SNTB2: variants seen among roughly 807,000 people sequenced by gnomAD.
SNTB2 encodes syntrophin beta 2.
SNTB2 carries 34 observed loss-of-function variants against 46.2 expected under a neutral mutation model. The observed-to-expected ratio is 0.74, with a 90% CI of 0.56 to 0.98. SNTB2 has a LOEUF of 0.98. Ranked by LOEUF, SNTB2 falls within the 50% of genes least tolerant of loss-of-function variation. The probability of loss-of-function intolerance (pLI) is 0.00; values close to 1 mark genes in which losing one functional copy is unlikely to be tolerated. For missense variants in SNTB2, 603 were observed against 731.4 expected (o/e 0.82, Z 2.02); for synonymous variants, 290 against 312.6 (o/e 0.93, Z 0.76).
In SNTB2 at chr16:69,300,989, AGC is replaced by A; in HGVS notation, c.*66_*67del. 3.9e-6 allele frequency: 4 copies of A among 1,035,212 alleles called. No individual in the cohort carries two copies. The highest frequency in any genetic ancestry group is 5.9e-6 in the Non-Finnish European group (4 of 680,576). 64.1% of individuals were successfully genotyped at this position (1,035,212 alleles called of 1,614,324 possible). A position where few individuals can be genotyped will look rare whatever the true frequency, so the allele number is the denominator to read the frequency against. ...AATATTTCCACCTCAAAAAAAAAAA[AGC>A]ACAAAAAGAAACTCTTTGCTCTCCT... On this transcript the variant is annotated 3_prime_UTR_variant, in exon 7 of 7. Coordinates refer to ENST00000336278, the MANE Select transcript of SNTB2 (RefSeq NM_006750.4).
At chr16:69,241,793 G>C (rs1964617701) in intron 1 of SNTB2, 1 of 151,828 alleles carries the variant, frequency 6.6e-6, no homozygotes, top group Non-Finnish European at 1.5e-5. Context: ...GGTGGGTATG[G>C]TGGTGTGCAC....
At chr16:69,249,741 C>G (rs1286242569) in intron 2 of SNTB2, among the ~76,000 whole-genome samples, 4 of 152,128 alleles carry the variant, frequency 2.6e-5, no homozygotes, top group African/African-American at 4.8e-5. Context: ...CTTAGAAGAT[C>G]CACGCTAGTT....
chr16:69,258,800 A>T (rs1964804421), intron 2 of SNTB2, among the ~76,000 whole-genome samples: 1 of 151,568 alleles, frequency 6.6e-6, no homozygotes, highest in Non-Finnish European at 1.5e-5. Context: ...TTTAGTAGAG[A>T]CAGGGTTTAG....
Position 69,253,282 on chromosome 16 carries a change from T to A in SNTB2, c.795-6768T>A, listed in dbSNP as rs181804537. On this transcript the variant is annotated intron_variant, in intron 2 of 6. Coordinates refer to ENST00000336278, the MANE Select transcript of SNTB2 (RefSeq NM_006750.4). ...CGGTCCTATTTTGGAGCTTCTTTGCTGTTTCTTTTAATTTAATTTTCTATT... is the reference window on the plus strand; with the variant it reads ...CGGTCCTATTTTGGAGCTTCTTTGCAGTTTCTTTTAATTTAATTTTCTATT... Among the ~76,000 whole-genome samples, 396 of 152,266 alleles carry A rather than the reference T, an allele frequency of 2.6e-3. 1 individual carries two copies. Among genetic ancestry groups the A allele is most frequent in the Non-Finnish European group, 4.3e-3 (290 of 68,034 alleles).
chr16:69,265,972 G>A (rs889596385), intron 3 of SNTB2, among the ~76,000 whole-genome samples: 2 of 152,064 alleles, frequency 1.3e-5, no homozygotes, highest in Non-Finnish European at 2.9e-5. Context: ...CTCAATGGTG[G>A]GATCCCCAAG....
At chr16:69,277,225 T>C (rs1964992106) in intron 4 of SNTB2, among the ~76,000 whole-genome samples, 1 of 152,196 alleles carries the variant, frequency 6.6e-6, no homozygotes, top group Non-Finnish European at 1.5e-5. Flanking sequence ...AATGATAAAA[T>C]TGTAGCTTTC....
chr16:69,297,070 C>T (rs1002906642), intron 5 of SNTB2, among the ~76,000 whole-genome samples: 6 of 151,618 alleles, frequency 4.0e-5, no homozygotes, highest in South Asian at 4.2e-4. Flanking sequence ...TTTGGGAGAC[C>T]GAGGCAAGTG....
At chr16:69,295,072 C>G (rs563899681) in intron 5 of SNTB2, among the ~76,000 whole-genome samples, 1 of 151,890 alleles carries the variant, frequency 6.6e-6, no homozygotes, top group Non-Finnish European at 1.5e-5. Flanking sequence ...CCACCTGCCT[C>G]GGCCTCCCAA....
Position 69,284,100 on chromosome 16 carries a change from A to C in SNTB2, c.1201A>C (p.Thr401Pro). 6.2e-7 allele frequency: 1 copy of C among 1,613,908 alleles called. No homozygotes were observed. The highest frequency in any genetic ancestry group is 8.5e-7 in the Non-Finnish European group (1 of 1,179,950). The change falls in exon 5 of 7, where the codon ACA (threonine) becomes CCA (proline). Residue 401 changes from threonine to proline, a missense_variant. Thr to Pro is a conservative substitution (Grantham distance 38). Coordinates refer to ENST00000336278, the MANE Select transcript of SNTB2 (RefSeq NM_006750.4). The stretch of plus-strand genomic sequence containing the variant: ...ATCCCCCTCCCTTGGATCTGACCTT[A>C]CATTTGCTACCAGGACAGGCTCTCG... ...CRSPSLGSDLTFATRTGSRQG... is the reference protein window; with the variant it reads ...CRSPSLGSDLPFATRTGSRQG...
intron 1 of SNTB2, among the ~76,000 whole-genome samples, chr16:69,212,063 A>G (rs545101516): frequency 1.1e-4 from 16 of 152,290 alleles, no homozygotes; most frequent in African/African-American, 3.4e-4. Context: ...CAACCTTTCA[A>G]CAGTAACTCC....
At chr16:69,224,764 G>A (rs138001866) in intron 1 of SNTB2, among the ~76,000 whole-genome samples, 32 of 151,954 alleles carry the variant, frequency 2.1e-4, no homozygotes, top group African/African-American at 7.5e-4. Context: ...GTGGACTCTT[G>A]GATATTTATT....
rs1288432808 is a variant in SNTB2 at position 69,260,208 on chromosome 16, G to C, written c.953G>C (p.Ser318Thr). 1 of 1,614,160 alleles carries C rather than the reference G, an allele frequency of 6.2e-7. No individual in the cohort carries two copies. Among genetic ancestry groups the C allele is most frequent in the Non-Finnish European group, 8.5e-7 (1 of 1,180,030 alleles). ...AELNAMLGAT[S>T]TAGGSKEVKH... The stretch of plus-strand genomic sequence containing the variant: ...CTCAACGCCATGCTTGGGGCAACCA[G>C]TACAGCAGGAGGCAGTAAAGAGGTG... Residue 318 changes from serine (S) to threonine (T), a missense_variant, in exon 3 of 7, where the codon AGT becomes ACT. By Grantham distance (58) the Ser-to-Thr change is moderately conservative (BLOSUM62 1). Around this residue, in one of 2 missense-constraint regions of SNTB2, gnomAD observed 537 missense variants for 692.4 expected, o/e 0.78. Coordinates refer to ENST00000336278, the MANE Select transcript of SNTB2 (RefSeq NM_006750.4).
At chr16:69,280,178 G>A (rs943547528) in intron 4 of SNTB2, among the ~76,000 whole-genome samples, 5 of 152,192 alleles carry the variant, frequency 3.3e-5, no homozygotes, top group African/African-American at 9.7e-5. Flanking sequence ...AGGGTTGGGG[G>A]TAAGGTCACC....
chr16:69,224,118 G>T (rs1964434462), intron 1 of SNTB2, among the ~76,000 whole-genome samples: 1 of 152,068 alleles, frequency 6.6e-6, no homozygotes, highest in Non-Finnish European at 1.5e-5. Context: ...TTGGGCAGGG[G>T]TGGGATATGA....
chr16:69,279,856 A>ATTT (rs1567413485), intron 4 of SNTB2, among the ~76,000 whole-genome samples: 3 of 140,600 alleles, frequency 2.1e-5, no homozygotes, highest in African/African-American at 7.7e-5. Context: ...TTAATTAATT[A>ATTT]ATTAATTAAT....
At chr16:69,265,346 G>A (rs1309932263) in intron 3 of SNTB2, among the ~76,000 whole-genome samples, 1 of 152,142 alleles carries the variant, frequency 6.6e-6, no homozygotes, top group East Asian at 1.9e-4. Flanking sequence ...CTCAAGTTAG[G>A]ACCATATACA....
chr16:69,292,641 C>T (rs1223806028), intron 5 of SNTB2, among the ~76,000 whole-genome samples: 8 of 140,424 alleles, frequency 5.7e-5, no homozygotes, highest in African/African-American at 8.1e-5. Context: ...TTAGTAGAGG[C>T]GGGGTTTCAC....
At chr16:69,270,909 T>C (rs181453164) in intron 4 of SNTB2, among the ~76,000 whole-genome samples, 19 of 152,302 alleles carry the variant, frequency 1.2e-4, no homozygotes, top group African/African-American at 4.1e-4. Flanking sequence ...AATTCAAATT[T>C]TTTTGGACTT....
chr16:69,241,624 TA>T (rs1292900093), intron 1 of SNTB2, among the ~76,000 whole-genome samples: 240 of 135,400 alleles, frequency 1.8e-3, no homozygotes, highest in Admixed American at 3.1e-3. Context: ...CCGTCTCTAC[TA>T]AAAAAAAAAA....
Sources: allele counts gnomAD v4.1 joint callset (sites outside exome capture counted in the v4.1 genomes callset), GRCh38; gene constraint gnomAD v4.1.1; regional missense constraint gnomAD v4.1.1; transcripts MANE v1.5; gene names NCBI Gene and HGNC (gene_info 2026-07-23, HGNC 2026-07-21).